The following TMPRSS11F variants were observed in gnomAD, a reference collection of about 807,000 sequenced individuals.
The protein encoded by TMPRSS11F is transmembrane protease serine 11F.
In TMPRSS11F, 47 loss-of-function variants were observed where a neutral mutation model predicts 60.2. The observed-to-expected ratio is 0.78, with a 90% CI of 0.62 to 1.00. TMPRSS11F has a LOEUF of 1.00. Ranked by LOEUF, TMPRSS11F falls within the 50% of genes least tolerant of loss-of-function variation. The pLI is 0.00. For synonymous variants in TMPRSS11F, 166 were observed against 167.3 expected (o/e 0.99, Z 0.06); for missense variants, 519 against 522.9 (o/e 0.99, Z 0.07).
intron 3 of TMPRSS11F, among the ~76,000 whole-genome samples, chr4:68,079,508 C>T (rs1723651008): frequency 6.6e-6 from 1 of 152,134 alleles, no homozygotes; most frequent in South Asian, 2.1e-4. Context: ...TTTACTGCTT[C>T]TAAGTTTAAC....
At chr4:68,094,438 T>G in intron 2 of TMPRSS11F, among the ~76,000 whole-genome samples, 1 of 136,716 alleles carries the variant, frequency 7.3e-6, no homozygotes, top group South Asian at 2.6e-4. Context: ...TTGGGAGATA[T>G]ACCTAAGGCT....
chr4:68,059,749 T>C (rs1723119486), intron 8 of TMPRSS11F, among the ~76,000 whole-genome samples: 1 of 152,294 alleles, frequency 6.6e-6, no homozygotes, highest in Non-Finnish European at 1.5e-5. Flanking sequence ...AGAGGGTCCA[T>C]AGTCCTCATT....
In TMPRSS11F at chr4:68,053,904, C is replaced by G; in HGVS notation, c.*5G>C. On this transcript the variant is annotated 3_prime_UTR_variant, in exon 10 of 10. Transcript: ENST00000356291. ...GCCATGTGTATAACTCATGGGCAAT[C>G]CACACTACATACCAGTCTTTGAGGC... 1.2e-6 allele frequency: 2 copies of G among 1,612,066 alleles called. No individual in the cohort carries two copies. The highest frequency in any genetic ancestry group is 1.7e-6 in the Non-Finnish European group (2 of 1,178,552).
chr4:68,101,221 G>A (rs181655424), intron 1 of TMPRSS11F, among the ~76,000 whole-genome samples: 1 of 152,244 alleles, frequency 6.6e-6, no homozygotes, highest in East Asian at 1.9e-4. Flanking sequence ...TAACTGGAAT[G>A]TTGCCTTCTG....
chr4:68,054,995 T>C (rs1387295520), intron 9 of TMPRSS11F, among the ~76,000 whole-genome samples: 1 of 152,154 alleles, frequency 6.6e-6, no homozygotes, highest in Admixed American at 6.6e-5. Context: ...ATGAGTATAA[T>C]TGAGCTGATA....
At chr4:68,094,511 G>T (rs1204016765) in intron 2 of TMPRSS11F, among the ~76,000 whole-genome samples, 2 of 148,348 alleles carry the variant, frequency 1.3e-5, no homozygotes, top group East Asian at 4.0e-4. Context: ...TAACTAACCT[G>T]CACATTGTGA....
chr4:68,121,159 G>A (rs1323389993), intron 1 of TMPRSS11F, among the ~76,000 whole-genome samples: 1 of 152,084 alleles, frequency 6.6e-6, no homozygotes, highest in Non-Finnish European at 1.5e-5. Flanking sequence ...TTAGTTCTAT[G>A]AGATGTCTCA....
At position 68,096,411 on chromosome 4, in the gene TMPRSS11F, A is replaced by G. The variant is rs1307894089; in HGVS notation, c.163+2476T>C. 2.3e-4 allele frequency among the ~76,000 whole-genome samples: 35 copies of G among 152,214 alleles called. 1 individual carries two copies. Among genetic ancestry groups the G allele is most frequent in the Non-Finnish European group, 4.7e-4 (32 of 68,038 alleles). ...GCATTTAATAGTCAATTAATAACACAGTAATTGTTTTTTAAAATGATACCC... is the reference window on the plus strand; with the variant it reads ...GCATTTAATAGTCAATTAATAACACGGTAATTGTTTTTTAAAATGATACCC... On this transcript the variant is annotated intron_variant, in intron 2 of 9. Transcript: ENST00000356291.
At chr4:68,094,256 G>A (rs1375945216) in intron 2 of TMPRSS11F, among the ~76,000 whole-genome samples, 1 of 116,222 alleles carries the variant, frequency 8.6e-6, no homozygotes, top group African/African-American at 2.9e-5. Flanking sequence ...GTAGGGACAT[G>A]GATGAAATTG....
intron 1 of TMPRSS11F, among the ~76,000 whole-genome samples, chr4:68,115,871 T>C (rs913931536): frequency 6.6e-6 from 1 of 152,176 alleles, no homozygotes; most frequent in South Asian, 2.1e-4. Context: ...AATAAAACCT[T>C]AAAAATTGAG....
rs144406616 is a variant in TMPRSS11F, at chr4:68,064,716, G to A, written c.984C>T (p.Phe328=). The A allele has an allele frequency of 4.7e-5, 76 of 1,614,072 alleles. No homozygotes were observed. The highest frequency in any genetic ancestry group is 1.3e-4 in the East Asian group (6 of 44,872). ...SIKLPPKTSV[F]VTGFGSIVDD... is the part of the protein sequence containing the mutation. ...CTACAATGGATCCAAATCCTGTGAC[G>A]AACACACTTGTTTTAGGTGGCAACT... The change falls in exon 8 of 10, where the codon TTC becomes TTT. Residue 328 remains phenylalanine, a synonymous_variant. Transcript: ENST00000356291.
chr4:68,098,659 T>C (rs1423613207), intron 2 of TMPRSS11F, among the ~76,000 whole-genome samples: 3 of 152,220 alleles, frequency 2.0e-5, no homozygotes, highest in Non-Finnish European at 2.9e-5. Flanking sequence ...CTCTTTTTTA[T>C]GTATTTCTTT....
intron 4 of TMPRSS11F, 63 bp from the exon 5 acceptor site, chr4:68,072,549 A>AG: frequency 5.4e-6 from 7 of 1,287,964 alleles, no homozygotes; most frequent in Non-Finnish European, 7.2e-6. Flanking sequence ...TTAACTTATT[A>AG]GGACTCACAT....
intron 9 of TMPRSS11F, among the ~76,000 whole-genome samples, chr4:68,055,880 C>A (rs530018287): frequency 7.2e-5 from 11 of 152,224 alleles, no homozygotes; most frequent in Non-Finnish European, 1.6e-4. Context: ...CCCTCAGATG[C>A]AAGAATGGTT....
At chr4:68,056,774 C>T (rs1376948533) in intron 9 of TMPRSS11F, among the ~76,000 whole-genome samples, 1 of 152,036 alleles carries the variant, frequency 6.6e-6, no homozygotes, top group East Asian at 1.9e-4. Context: ...CTTATACTAC[C>T]TGGTTTCAAA....
intron 1 of TMPRSS11F, among the ~76,000 whole-genome samples, chr4:68,121,945 C>T (rs1267872536): frequency 6.6e-6 from 1 of 152,136 alleles, no homozygotes; most frequent in East Asian, 1.9e-4. Context: ...CTTCTAATGC[C>T]AAGTGGCCTT....
chr4:68,085,861 G>T (rs576802324), intron 3 of TMPRSS11F, among the ~76,000 whole-genome samples: 3 of 152,232 alleles, frequency 2.0e-5, no homozygotes, highest in Admixed American at 2.0e-4. Context: ...CCCAACATTG[G>T]AGCACTCAGA....
intron 1 of TMPRSS11F, 50 bp downstream of exon 1, chr4:68,129,759 TA>T (rs753106147): frequency 6.9e-6 from 11 of 1,588,710 alleles, no homozygotes; most frequent in Non-Finnish European, 8.6e-6. Flanking sequence ...TCAGGAATTG[TA>T]AACCTCTGTC....
chr4:68,102,075 T>C (rs928139069), intron 1 of TMPRSS11F, among the ~76,000 whole-genome samples: 1 of 152,144 alleles, frequency 6.6e-6, no homozygotes, highest in African/African-American at 2.4e-5. Flanking sequence ...GATAATGCAA[T>C]ATTTTTCTCT....
Sources: gnomAD v4.1 joint callset for allele counts (sites outside exome capture counted in the v4.1 genomes callset) on GRCh38, gnomAD v4.1.1 for gene constraint, MANE v1.5 for transcripts, NCBI Gene and HGNC (gene_info 2026-07-23, HGNC 2026-07-21) for gene names.